Variants in CACNA2D3 observed in about 807,000 individuals in gnomAD.
CACNA2D3 encodes the protein voltage-dependent calcium channel subunit alpha-2/delta-3.
In CACNA2D3, 60 loss-of-function variants were observed where a neutral mutation model predicts 160.6. The ratio of observed to expected loss-of-function variants is 0.37; its 90% CI spans 0.30 to 0.46. The LOEUF is 0.46. CACNA2D3 is among the 20% of genes least tolerant of loss of function. CACNA2D3 has a pLI of 1.00. For missense variants in CACNA2D3, 1,205 were observed against 1,365.0 expected, an observed-to-expected ratio of 0.88 and a Z score of 1.85; for synonymous variants, 558 against 492.9, an observed-to-expected ratio of 1.13 and a Z score of -1.75.
chr3:54,909,509 G>T (rs1479596851), intron 27 of CACNA2D3, among the ~76,000 whole-genome samples: 1 of 152,116 alleles, frequency 6.6e-6, no homozygotes, highest in Admixed American at 6.5e-5. Context: ...GGGAAAAAAG[G>T]GACGGGCATG....
At chr3:54,174,332 A>C (rs1187520807) in intron 2 of CACNA2D3, among the ~76,000 whole-genome samples, 1 of 152,128 alleles carries the variant, frequency 6.6e-6, no homozygotes, top group Non-Finnish European at 1.5e-5. Context: ...AGTCCTACCC[A>C]CAGACAGGCA....
chr3:54,522,848 G>T (rs2106994280), intron 5 of CACNA2D3, among the ~76,000 whole-genome samples: 1 of 152,194 alleles, frequency 6.6e-6, no homozygotes, highest in African/African-American at 2.4e-5. Flanking sequence ...CAACACTGTT[G>T]TATTGGGTAC....
chr3:54,446,399 C>T (rs1016347191), intron 4 of CACNA2D3, among the ~76,000 whole-genome samples: 4 of 152,072 alleles, frequency 2.6e-5, no homozygotes, highest in Non-Finnish European at 5.9e-5. Context: ...TAGATAAGGA[C>T]CCACAGGTGG....
chr3:54,356,242 T>C (rs915395722), intron 3 of CACNA2D3, among the ~76,000 whole-genome samples: 3 of 152,154 alleles, frequency 2.0e-5, no homozygotes, highest in African/African-American at 7.2e-5. Flanking sequence ...GAGTTGAGCT[T>C]ATGGGGTGGT....
At chr3:54,782,847 C>G (rs1206650100) in intron 13 of CACNA2D3, among the ~76,000 whole-genome samples, 2 of 152,118 alleles carry the variant, frequency 1.3e-5, no homozygotes, top group Non-Finnish European at 2.9e-5. Context: ...TCTGAAGCAT[C>G]CTTCCTAACG....
At chr3:54,236,297 G>A (rs1014136042) in intron 2 of CACNA2D3, among the ~76,000 whole-genome samples, 2 of 152,188 alleles carry the variant, frequency 1.3e-5, no homozygotes, top group African/African-American at 4.8e-5. Flanking sequence ...TCTGAATAAA[G>A]CATGAACTTC....
At chr3:54,541,768 G>T (rs1701983336) in intron 5 of CACNA2D3, among the ~76,000 whole-genome samples, 1 of 152,196 alleles carries the variant, frequency 6.6e-6, no homozygotes, top group African/African-American at 2.4e-5. Context: ...GACTAGAGAG[G>T]CAGGCAATGT....
chr3:54,976,913 T>C (rs1363317415), intron 29 of CACNA2D3, among the ~76,000 whole-genome samples: 2 of 152,150 alleles, frequency 1.3e-5, no homozygotes, highest in South Asian at 2.1e-4. Flanking sequence ...AGGGCCTCGT[T>C]CTAAGAAGAA....
At chr3:54,281,522 G>C (rs1364641770) in intron 2 of CACNA2D3, among the ~76,000 whole-genome samples, 1 of 152,062 alleles carries the variant, frequency 6.6e-6, no homozygotes, top group African/African-American at 2.4e-5. Context: ...TGGCAGCTCT[G>C]TAATGAGGTG....
intron 17 of CACNA2D3, among the ~76,000 whole-genome samples, chr3:54,850,777 T>C (rs1699041255): frequency 6.6e-6 from 1 of 152,214 alleles, no homozygotes; most frequent in Non-Finnish European, 1.5e-5. Context: ...GCATTGAAAT[T>C]GGCCAGAAGC....
intron 27 of CACNA2D3, among the ~76,000 whole-genome samples, chr3:54,925,460 C>A (rs1202539295): frequency 6.6e-6 from 1 of 152,164 alleles, no homozygotes. Flanking sequence ...AAGATACTCT[C>A]AGTGTCTTCT....
intron 9 of CACNA2D3, among the ~76,000 whole-genome samples, chr3:54,586,476 T>G (rs893780028): frequency 6.6e-6 from 1 of 152,128 alleles, no homozygotes. Context: ...AGAAAAACAT[T>G]ACAATCCTAA....
chr3:54,141,104 T>TGTGC (rs1559860157), intron 2 of CACNA2D3, among the ~76,000 whole-genome samples: 1 of 101,008 alleles, frequency 9.9e-6, no homozygotes, highest in African/African-American at 3.4e-5. Flanking sequence ...CGCGCGTGTG[T>TGTGC]GCATGCATGC....
At chr3:54,879,960 C>T (rs1575527240) in intron 20 of CACNA2D3, among the ~76,000 whole-genome samples, 1 of 152,146 alleles carries the variant, frequency 6.6e-6, no homozygotes, top group East Asian at 1.9e-4. Context: ...CTAAAGTTTC[C>T]CACTACTATT....
chr3:54,190,782 C>T (rs1474206463), intron 2 of CACNA2D3, among the ~76,000 whole-genome samples: 1 of 152,130 alleles, frequency 6.6e-6, no homozygotes, highest in African/African-American at 2.4e-5. Context: ...GCAGAAGTGT[C>T]GAGATCCACT....
intron 10 of CACNA2D3, among the ~76,000 whole-genome samples, chr3:54,640,307 C>T (rs778696082): frequency 6.6e-6 from 1 of 152,200 alleles, no homozygotes; most frequent in Non-Finnish European, 1.5e-5. Context: ...CAAATGAATA[C>T]ACTTTGCAGA....
intron 13 of CACNA2D3, among the ~76,000 whole-genome samples, chr3:54,767,783 T>A (rs1391476397): frequency 6.6e-6 from 1 of 152,088 alleles, no homozygotes; most frequent in African/African-American, 2.4e-5. Flanking sequence ...GGACACAGGA[T>A]CAGCATGAAG....
intron 11 of CACNA2D3, among the ~76,000 whole-genome samples, chr3:54,657,826 T>G (rs921976439): frequency 3.9e-5 from 6 of 152,006 alleles, no homozygotes; most frequent in African/African-American, 1.4e-4. Context: ...GTCAGGAGTT[T>G]GAGACCAGCC....
At chr3:54,733,130 A>G (rs1362878301) in intron 11 of CACNA2D3, among the ~76,000 whole-genome samples, 5 of 152,214 alleles carry the variant, frequency 3.3e-5, no homozygotes, top group Admixed American at 3.3e-4. Flanking sequence ...CCTTGGACGA[A>G]TAGATGGGTT....
Sources: allele counts gnomAD v4.1 joint callset (sites outside exome capture counted in the v4.1 genomes callset), GRCh38; gene constraint gnomAD v4.1.1; transcripts MANE v1.5; gene names NCBI Gene and HGNC (gene_info 2026-07-23, HGNC 2026-07-21).